Variants in PVT1 observed in about 807,000 individuals in gnomAD.
PVT1 encodes the protein Pvt1 oncogene.
At chr8:128,066,342 T>C (rs1315795427) in intron 4 of PVT1, among the ~76,000 whole-genome samples, 3 of 152,232 alleles carry the variant, frequency 2.0e-5, no homozygotes, top group Non-Finnish European at 2.9e-5. Context: ...GGCCTGCTGC[T>C]GATCAGTGCT....
chr8:128,034,749 A>G (rs1272035142), intron 4 of PVT1, among the ~76,000 whole-genome samples: 1 of 152,122 alleles, frequency 6.6e-6, no homozygotes, highest in African/African-American at 2.4e-5. Context: ...CCATATATAC[A>G]ATTTATTCCT....
At chr8:127,822,068 A>G (rs1290607723) in intron 2 of PVT1, among the ~76,000 whole-genome samples, 1 of 152,220 alleles carries the variant, frequency 6.6e-6, no homozygotes, top group Non-Finnish European at 1.5e-5. Flanking sequence ...TATCTGTAAA[A>G]TGAGTATTGC....
At chr8:128,074,770 T>G (rs2130141348) in intron 5 of PVT1, among the ~76,000 whole-genome samples, 1 of 152,370 alleles carries the variant, frequency 6.6e-6, no homozygotes, top group South Asian at 2.1e-4. Context: ...TTTCAGCTCT[T>G]AGGTAATTCA....
chr8:127,802,265 A>G (rs1814473607), intron 2 of PVT1, among the ~76,000 whole-genome samples: 1 of 151,994 alleles, frequency 6.6e-6, no homozygotes, highest in African/African-American at 2.4e-5. Flanking sequence ...CCAGGCTGGA[A>G]TGCAGTGATG....
intron 3 of PVT1, among the ~76,000 whole-genome samples, chr8:127,982,574 C>T (rs887682071): frequency 6.6e-6 from 1 of 151,812 alleles, no homozygotes; most frequent in Non-Finnish European, 1.5e-5. Flanking sequence ...CTTTGGGAGG[C>T]AGGGGAGGGA....
At chr8:127,890,752 A>T (rs1815590697) in exon 3 of PVT1, 1 of 152,262 alleles carries the variant, frequency 6.6e-6, no homozygotes, top group Non-Finnish European at 1.5e-5. Context: ...CTGGAATGAC[A>T]CACGCCCGGC....
rs1306236498 is a variant in PVT1 at position 128,085,493 on chromosome 8, T to G, written n.1115-11025T>G. ...TACTAGGCAATCATGAGAAAAACCT[T>G]TTTTTTTTAACACTCTGGGCATCAG... is the stretch of plus-strand genomic sequence containing the variant. On this transcript the variant is annotated intron_variant and non_coding_transcript_variant, in intron 5 of 10. Transcript: ENST00000651587. Among the ~76,000 whole-genome samples the G allele has an allele frequency of 5.1e-4, 22 of 42,900 alleles. No homozygotes were observed. In the Admixed American group the frequency reaches 8.5e-3, roughly 17 times the overall value. The allele number at this position is 42,900 out of a possible 152,430, so 28.1% of individuals were successfully genotyped here. A position where few individuals can be genotyped will look rare whatever the true frequency, so the allele number is the denominator to read the frequency against.
At chr8:127,961,626 G>T (rs941624222) in intron 3 of PVT1, among the ~76,000 whole-genome samples, 2 of 152,206 alleles carry the variant, frequency 1.3e-5, no homozygotes, top group Non-Finnish European at 2.9e-5. Flanking sequence ...AGACTCTGAG[G>T]CTGGAAATGT....
intron 3 of PVT1, among the ~76,000 whole-genome samples, chr8:127,907,770 T>A (rs1815840668): frequency 6.6e-6 from 1 of 152,170 alleles, no homozygotes; most frequent in South Asian, 2.1e-4. Context: ...TTTTCTAAGC[T>A]ATCACCCTAA....
intron 4 of PVT1, among the ~76,000 whole-genome samples, chr8:128,003,624 C>T (rs549080486): frequency 1.3e-5 from 2 of 152,316 alleles, no homozygotes; most frequent in East Asian, 1.9e-4. Flanking sequence ...TGCGCCATTG[C>T]GCCTGGCCTG....
At chr8:127,997,618 A>G (rs1342958774) in intron 4 of PVT1, among the ~76,000 whole-genome samples, 8 of 152,162 alleles carry the variant, frequency 5.3e-5, no homozygotes, top group South Asian at 2.1e-4. Flanking sequence ...AATAAACTCT[A>G]TTTTCAGAAG....
At chr8:128,023,851 C>G (rs1817464979) in intron 4 of PVT1, among the ~76,000 whole-genome samples, 1 of 152,190 alleles carries the variant, frequency 6.6e-6, no homozygotes, top group Non-Finnish European at 1.5e-5. Context: ...AAGGAGAAAA[C>G]AGCTTGACAT....
intron 2 of PVT1, among the ~76,000 whole-genome samples, chr8:127,811,202 A>G (rs537544142): frequency 1.3e-5 from 2 of 152,110 alleles, no homozygotes; most frequent in African/African-American, 4.8e-5. Flanking sequence ...TTCTCTCCTC[A>G]TGCCAAAAGA....
intron 2 of PVT1, among the ~76,000 whole-genome samples, chr8:127,827,880 G>A (rs749370940): frequency 7.9e-5 from 12 of 152,188 alleles, no homozygotes; most frequent in Admixed American, 2.0e-4. Context: ...CCCCTGTGCC[G>A]TATTTCCCTC....
intron 3 of PVT1, among the ~76,000 whole-genome samples, chr8:127,923,187 G>A (rs1456211394): frequency 1.3e-5 from 2 of 152,234 alleles, no homozygotes; most frequent in Non-Finnish European, 2.9e-5. Flanking sequence ...TTAGGACTCC[G>A]AAGCAGGTGG....
chr8:127,825,415 A>G (rs17188737), intron 2 of PVT1, among the ~76,000 whole-genome samples: 85,525 of 152,014 alleles, frequency 0.56, 24,452 homozygotes, highest in Admixed American at 0.69. Context: ...GAGGCCAGGA[A>G]GACTTGGGTC....
chr8:128,036,028 C>G (rs139025737), intron 4 of PVT1, among the ~76,000 whole-genome samples: 1 of 152,250 alleles, frequency 6.6e-6, no homozygotes. Flanking sequence ...GTTACAGCAG[C>G]GAGAGGAACT....
chr8:128,044,011 A>T (rs370744982), intron 4 of PVT1, among the ~76,000 whole-genome samples: 27 of 97,942 alleles, frequency 2.8e-4, no homozygotes, highest in East Asian at 5.9e-4. Context: ...ATTATTATTT[A>T]TTTATTTTTT....
At chr8:127,864,431 T>A (rs1471968923) in intron 2 of PVT1, among the ~76,000 whole-genome samples, 1 of 152,350 alleles carries the variant, frequency 6.6e-6, no homozygotes, top group East Asian at 1.9e-4. Context: ...ACTGGATGCC[T>A]GCTCCTGGCC....
Sources: allele counts gnomAD v4.1 joint callset (sites outside exome capture counted in the v4.1 genomes callset), GRCh38; gene constraint gnomAD v4.1.1; transcripts MANE v1.5; gene names NCBI Gene and HGNC (gene_info 2026-07-23, HGNC 2026-07-21).